SLC16A10: variants seen among roughly 807,000 people sequenced by gnomAD.
The protein encoded by SLC16A10 is monocarboxylate transporter 10.
Under a neutral mutation model 40.0 loss-of-function variants are expected in SLC16A10, and 27 were observed. The ratio of observed to expected loss-of-function variants is 0.67; its 90% CI spans 0.50 to 0.93. The LOEUF (loss-of-function observed/expected upper bound fraction) is 0.93, where lower values mean the gene tolerates loss of function less well. SLC16A10 is among the 40% of genes least tolerant of loss of function. The probability of loss-of-function intolerance (pLI) is 0.00; values close to 1 mark genes in which losing one functional copy is unlikely to be tolerated. For missense variants in SLC16A10, 529 were observed against 658.2 expected, an observed-to-expected ratio of 0.80 and a Z score of 2.15; for synonymous variants, 213 against 249.8, an observed-to-expected ratio of 0.85 and a Z score of 1.39.
chr6:111,199,852 A>G (rs1404992414), intron 3 of SLC16A10, among the ~76,000 whole-genome samples: 1 of 151,678 alleles, frequency 6.6e-6, no homozygotes, highest in Admixed American at 6.6e-5. Flanking sequence ...AGTAGAAATA[A>G]AGGCTTTTAA....
intron 3 of SLC16A10, among the ~76,000 whole-genome samples, chr6:111,200,549 C>A (rs1214520550): frequency 6.6e-6 from 1 of 151,950 alleles, no homozygotes; most frequent in Non-Finnish European, 1.5e-5. Flanking sequence ...CTTCCTCTAG[C>A]AAAAACACAG....
chr6:111,088,710 GGGACTA>G (rs1452243420), intron 1 of SLC16A10, among the ~76,000 whole-genome samples: 4 of 152,200 alleles, frequency 2.6e-5, no homozygotes. Flanking sequence ...AGCCGGATTA[GGGACTA>G]GGATGAGGAA....
At chr6:111,099,222 G>A (rs1771129310) in intron 1 of SLC16A10, among the ~76,000 whole-genome samples, 1 of 152,190 alleles carries the variant, frequency 6.6e-6, no homozygotes, top group Non-Finnish European at 1.5e-5. Flanking sequence ...GAGGCATAAA[G>A]AAGGGTCAGA....
In SLC16A10 at chr6:111,172,720, G is replaced by T; in HGVS notation, c.369G>T (p.Gly123=). ...CATGGGTAGGTTCTCTCTCCATGGG[G>T]ATGATTTTCTTTTGCTGCCCAATAG... ...KTAWVGSLSM[G]MIFFCCPIVS... is the part of the protein sequence containing the mutation. Residue 123 remains glycine, a synonymous_variant, in exon 2 of 6, where the codon GGG becomes GGT. Transcript: ENST00000368851. 6.2e-7 allele frequency: 1 copy of T among 1,614,088 alleles called. No individual in the cohort carries two copies. The highest frequency in any genetic ancestry group is 8.5e-7 in the Non-Finnish European group (1 of 1,179,996).
chr6:111,135,732 C>G (rs1311244610), intron 1 of SLC16A10, among the ~76,000 whole-genome samples: 3 of 152,220 alleles, frequency 2.0e-5, no homozygotes, highest in African/African-American at 7.2e-5. Flanking sequence ...TGAGCCAGTT[C>G]TCATACCTGG....
chr6:111,149,937 C>A (rs149748776), intron 1 of SLC16A10, among the ~76,000 whole-genome samples: 2,400 of 152,292 alleles, frequency 0.016, 26 homozygotes, highest in Admixed American at 0.032. Context: ...CCACCCATTA[C>A]TTTGTGTGAC....
intron 1 of SLC16A10, among the ~76,000 whole-genome samples, chr6:111,132,352 G>A (rs563302876): frequency 6.6e-6 from 1 of 152,282 alleles, no homozygotes; most frequent in East Asian, 1.9e-4. Context: ...GATAATTGAA[G>A]GTCTTCTCCT....
Position 111,228,899 on chromosome 6 carries a change from C to T in SLC16A10, c.*6664C>T, listed in dbSNP as rs1370001682. ...ACAAAATTAGCCGGGCGTGGTGGCT[C>T]CATGCTGTAATCCCAGCTACTCGGG... On this transcript the variant is annotated 3_prime_UTR_variant, in exon 6 of 6. Transcript: ENST00000368851. 1 of 151,912 alleles carries T rather than the reference C, an allele frequency of 6.6e-6. No homozygotes were observed. Among genetic ancestry groups the T allele is most frequent in the Non-Finnish European group, 1.5e-5 (1 of 68,082 alleles). 9.4% of individuals were successfully genotyped at this position (151,912 alleles called of 1,614,324 possible).
At chr6:111,190,170 C>T (rs1772966657) in intron 3 of SLC16A10, among the ~76,000 whole-genome samples, 1 of 152,232 alleles carries the variant, frequency 6.6e-6, no homozygotes, top group Non-Finnish European at 1.5e-5. Context: ...AGGCCCCATG[C>T]AAGTCTGAAA....
intron 1 of SLC16A10, 51 bp downstream of exon 1, chr6:111,088,146 C>T (rs780658520): frequency 5.3e-5 from 82 of 1,549,186 alleles, no homozygotes; most frequent in Non-Finnish European, 7.0e-5. Context: ...CGTGGGGCCC[C>T]CGAGCGCATC....
intron 3 of SLC16A10, among the ~76,000 whole-genome samples, chr6:111,194,252 A>G (rs1358054021): frequency 1.3e-5 from 2 of 152,176 alleles, no homozygotes; most frequent in Non-Finnish European, 2.9e-5. Context: ...TCTTCAATGT[A>G]TAATAAGGTG....
intron 1 of SLC16A10, among the ~76,000 whole-genome samples, chr6:111,133,124 T>C (rs1771814571): frequency 6.6e-6 from 1 of 152,150 alleles, no homozygotes; most frequent in African/African-American, 2.4e-5. Flanking sequence ...AAAAAAGCAA[T>C]GTTGGGCACT....
chr6:111,144,308 A>G (rs1013680185), intron 1 of SLC16A10, among the ~76,000 whole-genome samples: 7 of 152,112 alleles, frequency 4.6e-5, no homozygotes, highest in African/African-American at 1.7e-4. Flanking sequence ...GGTTCACGCC[A>G]TTCTCCTGCC....
At chr6:111,137,822 C>T (rs1214320026) in intron 1 of SLC16A10, among the ~76,000 whole-genome samples, 1 of 152,220 alleles carries the variant, frequency 6.6e-6, no homozygotes, top group Non-Finnish European at 1.5e-5. Flanking sequence ...ACTGCATCCA[C>T]CTTTAAACAC....
intron 1 of SLC16A10, among the ~76,000 whole-genome samples, chr6:111,116,302 C>T (rs956780389): frequency 6.6e-6 from 1 of 151,990 alleles, no homozygotes; most frequent in Non-Finnish European, 1.5e-5. Context: ...ACTGAAACCT[C>T]CGCCACCTGG....
chr6:111,203,333 G>A (rs1014230607), intron 3 of SLC16A10, among the ~76,000 whole-genome samples: 3 of 152,192 alleles, frequency 2.0e-5, no homozygotes, highest in Non-Finnish European at 4.4e-5. Context: ...ACTGACCAAA[G>A]AAACTTTTTT....
intron 1 of SLC16A10, among the ~76,000 whole-genome samples, chr6:111,154,854 T>C (rs1424065487): frequency 6.6e-6 from 1 of 151,824 alleles, no homozygotes; most frequent in Admixed American, 6.6e-5. Context: ...AGAAACCCTG[T>C]CTTTACTAAA....
rs754653726 is a variant in SLC16A10, at chr6:111,218,795, C to T, written c.1087-19C>T. 8 of 1,607,748 alleles carry T rather than the reference C, an allele frequency of 5.0e-6. No individual in the cohort carries two copies. Among genetic ancestry groups the T allele is most frequent in the South Asian group, 2.2e-5 (2 of 90,918 alleles). On this transcript the variant is annotated intron_variant, in intron 4 of 5. Transcript: ENST00000368851. ...TTTGCTTCCTGCGAGCGGAGCTGAC[C>T]TTGTGGTGTCCGTCCTAGGTACTCT... is the stretch of plus-strand genomic sequence containing the variant.
At chr6:111,108,501 G>T (rs572519510) in intron 1 of SLC16A10, among the ~76,000 whole-genome samples, 3 of 152,296 alleles carry the variant, frequency 2.0e-5, no homozygotes, top group African/African-American at 7.2e-5. Context: ...ACTCACAAAA[G>T]TATCTTGAAC....
Sources: allele counts gnomAD v4.1 joint callset (sites outside exome capture counted in the v4.1 genomes callset), GRCh38; gene constraint gnomAD v4.1.1; transcripts MANE v1.5; gene names NCBI Gene and HGNC (gene_info 2026-07-23, HGNC 2026-07-21).